Variants in PDE8B observed in about 807,000 individuals in gnomAD.
PDE8B encodes phosphodiesterase 8B.
In PDE8B, 26 loss-of-function variants were observed where a neutral mutation model predicts 101.3. The ratio of observed to expected loss-of-function variants is 0.26; its 90% confidence interval spans 0.19 to 0.36. PDE8B has a LOEUF of 0.36. Ranked by LOEUF, PDE8B falls within the 10% of genes least tolerant of loss-of-function variation. The pLI, the probability that PDE8B is intolerant of heterozygous loss-of-function variation, is 1.00. For synonymous variants in PDE8B, 424 were observed against 429.3 expected, an observed-to-expected ratio of 0.99 and a Z score of 0.15; for missense variants, 810 against 1,163.1, an observed-to-expected ratio of 0.70 and a Z score of 4.42.
the PDE8B span, among the ~76,000 whole-genome samples, chr5:77,171,473 G>A: frequency 2.0e-5 from 3 of 152,142 alleles, no homozygotes; most frequent in Admixed American, 6.5e-5. Flanking sequence ...AATTCTGTCC[G>A]GCCCATAGAA....
chr5:77,366,064 G>A lies in PDE8B; in HGVS notation c.1167+12658G>A, dbSNP rs1439080188. On this transcript the variant is annotated intron_variant, in intron 10 of 21. Transcript: ENST00000264917. ...TCTGATTCAGCTGACAGGTTTTTGG[G>A]TTTTTTTGTTTTTTGTTTTTGTTTT... Among the ~76,000 whole-genome samples the A allele has an allele frequency of 2.0e-5, 3 of 152,070 alleles. No homozygotes were observed. The South Asian group carries it at 6.2e-4, about 32-fold the overall frequency.
At chr5:77,393,613 T>C (rs746204181) in intron 10 of PDE8B, among the ~76,000 whole-genome samples, 1 of 152,238 alleles carries the variant, frequency 6.6e-6, no homozygotes, top group Non-Finnish European at 1.5e-5. Context: ...AATTATTTGC[T>C]TAAAGTGTAG....
chr5:77,335,784 G>T (rs936146772), intron 5 of PDE8B, among the ~76,000 whole-genome samples: 1 of 152,028 alleles, frequency 6.6e-6, no homozygotes, highest in Non-Finnish European at 1.5e-5. Flanking sequence ...GCTTAGAAAG[G>T]TTTGCATGAT....
intron 19 of PDE8B, 90 bp downstream of exon 19, chr5:77,419,977 A>T (rs1359401358): frequency 6.9e-7 from 1 of 1,440,272 alleles, no homozygotes; most frequent in Non-Finnish European, 9.7e-7. Context: ...CTCCCACTCA[A>T]ATGTAAGGTG....
chr5:77,391,049 A>G (rs1430860651), intron 10 of PDE8B, among the ~76,000 whole-genome samples: 1 of 152,218 alleles, frequency 6.6e-6, no homozygotes, highest in Non-Finnish European at 1.5e-5. Flanking sequence ...CCTACCGGAG[A>G]GAATGCCAAA....
At chr5:77,164,936 C>T in the PDE8B span, among the ~76,000 whole-genome samples, 1 of 152,150 alleles carries the variant, frequency 6.6e-6, no homozygotes, top group Non-Finnish European at 1.5e-5. Context: ...GACTACAAGC[C>T]AGGCTCCTGG....
At chr5:77,394,273 A>AGT (rs1474296199) in intron 10 of PDE8B, among the ~76,000 whole-genome samples, 1 of 152,100 alleles carries the variant, frequency 6.6e-6, no homozygotes, top group African/African-American at 2.4e-5. Flanking sequence ...GCTGTTTGTC[A>AGT]GGCACTGTAG....
chr5:77,264,137 A>G (rs991043615), intron 1 of PDE8B, among the ~76,000 whole-genome samples: 1 of 152,200 alleles, frequency 6.6e-6, no homozygotes, highest in Non-Finnish European at 1.5e-5. Context: ...TTATTTCTGA[A>G]TTATTTTCCA....
chr5:77,192,089 AG>A, the PDE8B span, among the ~76,000 whole-genome samples: 1 of 152,198 alleles, frequency 6.6e-6, no homozygotes, highest in African/African-American at 2.4e-5. Context: ...GGCTATAAAT[AG>A]AGATGAAGCT....
chr5:77,212,408 T>C (rs1748662970), intron 1 of PDE8B, among the ~76,000 whole-genome samples: 1 of 152,182 alleles, frequency 6.6e-6, no homozygotes, highest in South Asian at 2.1e-4. Flanking sequence ...ATAACATGTT[T>C]TGGCTTCAAT....
chr5:77,268,416 C>T (rs1283853696), intron 1 of PDE8B, among the ~76,000 whole-genome samples: 2 of 152,036 alleles, frequency 1.3e-5, no homozygotes, highest in African/African-American at 4.8e-5. Flanking sequence ...TGACTATAAT[C>T]ACCCTGTTGT....
chr5:77,281,507 G>C (rs1056883648), intron 1 of PDE8B, among the ~76,000 whole-genome samples: 3 of 152,194 alleles, frequency 2.0e-5, no homozygotes, highest in Non-Finnish European at 2.9e-5. Context: ...CCTCTTCCCA[G>C]CTTCTGGTGG....
At chr5:77,273,074 G>A (rs28622161) in intron 1 of PDE8B, among the ~76,000 whole-genome samples, 43,970 of 152,042 alleles carry the variant, frequency 0.29, 6,456 homozygotes, top group Admixed American at 0.36. Flanking sequence ...AGAAAGCTTT[G>A]TATTCATTAT....
At chr5:77,405,026 T>C (rs1462870865) in intron 12 of PDE8B, among the ~76,000 whole-genome samples, 1 of 152,244 alleles carries the variant, frequency 6.6e-6, no homozygotes, top group Non-Finnish European at 1.5e-5. Context: ...GCTTGTTCCT[T>C]GATGGCTTGA....
At chr5:77,269,376 G>A (rs1269172293) in intron 1 of PDE8B, among the ~76,000 whole-genome samples, 3 of 151,958 alleles carry the variant, frequency 2.0e-5, no homozygotes, top group Admixed American at 1.3e-4. Context: ...TGGTTATTAC[G>A]CTCTTGTCAG....
chr5:77,255,266 C>T (rs1358982289), intron 1 of PDE8B, among the ~76,000 whole-genome samples: 2 of 151,948 alleles, frequency 1.3e-5, no homozygotes, highest in East Asian at 3.9e-4. Context: ...TGCTTTCAGA[C>T]GTTCATTTTT....
intron 10 of PDE8B, among the ~76,000 whole-genome samples, chr5:77,383,892 T>TA (rs1264141515): frequency 2.0e-5 from 3 of 152,190 alleles, no homozygotes; most frequent in Non-Finnish European, 4.4e-5. Context: ...AGCCTTGTAG[T>TA]ATAGTTTGAA....
At chr5:77,169,270 G>A in the PDE8B span, among the ~76,000 whole-genome samples, 27 of 152,300 alleles carry the variant, frequency 1.8e-4, no homozygotes, top group East Asian at 7.7e-4. Context: ...TAGCAGGGGC[G>A]CAGTTCAGCT....
intron 14 of PDE8B, among the ~76,000 whole-genome samples, chr5:77,409,646 T>C (rs1294189471): frequency 1.3e-5 from 2 of 152,128 alleles, no homozygotes; most frequent in African/African-American, 4.8e-5. Context: ...TTCTAGGGAC[T>C]CAACCTATTC....
Sources: allele counts gnomAD v4.1 joint callset (sites outside exome capture counted in the v4.1 genomes callset), GRCh38; gene constraint gnomAD v4.1.1; transcripts MANE v1.5; gene names NCBI Gene and HGNC (gene_info 2026-07-23, HGNC 2026-07-21).